CHRM5: variants seen among roughly 807,000 people sequenced by gnomAD.
The protein encoded by CHRM5 is cholinergic receptor muscarinic 5.
In CHRM5, 18 loss-of-function variants were observed where a neutral mutation model predicts 39.0. The observed-to-expected ratio is 0.46, with a 90% CI of 0.32 to 0.68. The LOEUF is 0.68. CHRM5 is among the 30% of genes least tolerant of loss of function. The pLI, the probability that CHRM5 is intolerant of heterozygous loss-of-function variation, is 0.04. For missense variants in CHRM5, 515 were observed against 651.1 expected, an observed-to-expected ratio of 0.79 and a Z score of 2.28; for synonymous variants, 241 against 246.3, an observed-to-expected ratio of 0.98 and a Z score of 0.20.
rs577954122 is a variant in CHRM5, at chr15:34,037,653, C to T, written c.-407-8887C>T. On this transcript the variant is annotated intron_variant, in intron 1 of 2. Coordinates refer to ENST00000383263, the MANE Select transcript of CHRM5 (RefSeq NM_012125.4). Reference sequence around the variant, plus strand: ...TTACCTTAGTTTCTGTCAGTTTACACGAGGTAAACTGACCCTAAAAATGTT... The same window carrying T: ...TTACCTTAGTTTCTGTCAGTTTACATGAGGTAAACTGACCCTAAAAATGTT... 5.9e-5 allele frequency among the ~76,000 whole-genome samples: 9 copies of T among 151,304 alleles called. No individual in the cohort carries two copies. The East Asian group carries it at 1.4e-3, about 23-fold the overall frequency.
At chr15:34,053,674 TAACTC>T (rs1333276143) in intron 2 of CHRM5, among the ~76,000 whole-genome samples, 5 of 151,918 alleles carry the variant, frequency 3.3e-5, no homozygotes, top group African/African-American at 1.2e-4. Flanking sequence ...ATACAAAAAT[TAACTC>T]AAGATGAATT....
intron 1 of CHRM5, among the ~76,000 whole-genome samples, chr15:33,983,213 TAC>T (rs1491388409): frequency 1.9e-4 from 7 of 36,922 alleles, no homozygotes; most frequent in South Asian, 1.2e-3. Context: ...TATATATATA[TAC>T]ATATATATAC....
At position 34,060,948 on chromosome 15, in the gene CHRM5, G is replaced by A. The variant is rs183473127; in HGVS notation, c.-75-1695G>A. 4.9e-3 allele frequency among the ~76,000 whole-genome samples: 741 copies of A among 151,664 alleles called. 3 individuals are homozygous for A. The highest frequency in any genetic ancestry group is 7.4e-3 in the Non-Finnish European group (503 of 67,890). The stretch of plus-strand genomic sequence containing the variant: ...GGAGAATGGCGTGAACCCAGGAGGC[G>A]GAGCTTGCAGTGAGCCGAGATAGCG... On this transcript the variant is annotated intron_variant, in intron 2 of 2. Coordinates refer to ENST00000383263, the MANE Select transcript of CHRM5 (RefSeq NM_012125.4).
rs967465915 is a variant in CHRM5, at chr15:34,046,526, T to C, written c.-407-14T>C. On this transcript the variant is annotated splice_polypyrimidine_tract_variant and intron_variant, in intron 1 of 2. Coordinates refer to ENST00000383263, the MANE Select transcript of CHRM5 (RefSeq NM_012125.4). ...TTAACAGCCCCTTTGTGAACGATCA[T>C]TCCCCTTTTCTAGGAACCTAGGAAA... is the stretch of plus-strand genomic sequence containing the variant. The C allele has an allele frequency of 6.6e-6, 1 of 152,212 alleles. No homozygotes were observed. The highest frequency in any genetic ancestry group is 1.9e-4 in the East Asian group (1 of 5,200). The allele number at this position is 152,212 out of a possible 1,614,324, so 9.4% of individuals were successfully genotyped here.
intron 2 of CHRM5, among the ~76,000 whole-genome samples, chr15:34,050,087 C>T (rs1022370086): frequency 6.6e-6 from 1 of 151,834 alleles, no homozygotes; most frequent in Non-Finnish European, 1.5e-5. Context: ...GGGGTTTCAC[C>T]TTGTTGGTCA....
At chr15:34,012,990 G>A (rs948146429) in intron 1 of CHRM5, among the ~76,000 whole-genome samples, 15 of 152,080 alleles carry the variant, frequency 9.9e-5, no homozygotes, top group African/African-American at 3.6e-4. Context: ...CTTTTTTAAT[G>A]GTTATAATCA....
At position 34,046,580 on chromosome 15, in the gene CHRM5, G is replaced by T. The variant is rs1899693224; in HGVS notation, c.-367G>T. The T allele has an allele frequency of 6.6e-6, 1 of 152,140 alleles. No individual in the cohort carries two copies. The highest frequency in any genetic ancestry group is 1.5e-5 in the Non-Finnish European group (1 of 68,030). 9.4% of individuals were successfully genotyped at this position (152,140 alleles called of 1,614,324 possible). A position where few individuals can be genotyped will look rare whatever the true frequency, so the allele number is the denominator to read the frequency against. ...TTCTCAGCCTTGCAACTTAAAATAT[G>T]GTACATGGATCAGTAGCATCAAGAA... On this transcript the variant is annotated 5_prime_UTR_variant, in exon 2 of 3. It removes an upstream start codon present in the reference 5' UTR. Transcript: ENST00000383263.
rs188396848 is a variant in CHRM5, at chr15:34,013,030, C to A, written c.-407-33510C>A. Among the ~76,000 whole-genome samples the A allele has an allele frequency of 3.8e-3, 575 of 151,970 alleles. 17 individuals carry two copies. The highest frequency in any genetic ancestry group is 0.035 in the Admixed American group (539 of 15,252). On this transcript the variant is annotated intron_variant, in intron 1 of 2. Coordinates refer to ENST00000383263, the MANE Select transcript of CHRM5 (RefSeq NM_012125.4). ...GAATGTAGCATACTAAGGACCTGAC[C>A]AGTGTCTCCTCCTATCACAGTGGTT...
At chr15:33,985,514 TG>T (rs1289621188) in intron 1 of CHRM5, among the ~76,000 whole-genome samples, 1 of 149,958 alleles carries the variant, frequency 6.7e-6, no homozygotes, top group Non-Finnish European at 1.5e-5. Context: ...GGTTGCTTGC[TG>T]GAAACACAAC....
intron 1 of CHRM5, among the ~76,000 whole-genome samples, chr15:34,013,053 G>GT (rs922456173): frequency 3.4e-5 from 5 of 147,840 alleles, no homozygotes; most frequent in African/African-American, 9.8e-5. Flanking sequence ...TATCACAGTG[G>GT]TTTTTTTGTT....
chr15:34,003,286 A>T, intron 1 of CHRM5: 1 of 1,283,800 alleles, frequency 7.8e-7, no homozygotes, highest in Non-Finnish European at 1.1e-6. Context: ...AAAACAAAAA[A>T]GTACATGGAC....
rs2140852915 is a variant in CHRM5 at position 34,066,771 on chromosome 15, C to T, written c.*2455C>T. On this transcript the variant is annotated 3_prime_UTR_variant, in exon 3 of 3. Transcript: ENST00000383263. ...TAGAGGTTGCAGTGAGCTATGATCACACTACTGCATTCCAGTCTAAGTGAC... is the reference window on the plus strand; with the variant it reads ...TAGAGGTTGCAGTGAGCTATGATCATACTACTGCATTCCAGTCTAAGTGAC... 6.6e-6 allele frequency: 1 copy of T among 151,206 alleles called. No homozygotes were observed. The highest frequency in any genetic ancestry group is 2.1e-4 in the South Asian group (1 of 4,788). 9.4% of individuals were successfully genotyped at this position (151,206 alleles called of 1,614,324 possible). A position where few individuals can be genotyped will look rare whatever the true frequency, so the allele number is the denominator to read the frequency against.
In CHRM5 at chr15:34,032,023, G is replaced by GCACA. The variant is rs10643932; in HGVS notation, c.-407-14502_-407-14499dup. ...TCAACACACACATACGCGCGCACAC[G>GCACA]CACACACACACACACACAGGGCTTC... On this transcript the variant is annotated intron_variant, in intron 1 of 2. Transcript: ENST00000383263. Among the ~76,000 whole-genome samples, 145 of 149,010 alleles carry GCACA rather than the reference G, an allele frequency of 9.7e-4. 1 individual carries two copies. Among genetic ancestry groups the GCACA allele is most frequent in the African/African-American group, 2.2e-3 (88 of 40,356 alleles).
At chr15:33,990,391 A>G (rs1051247393) in intron 1 of CHRM5, among the ~76,000 whole-genome samples, 5 of 152,080 alleles carry the variant, frequency 3.3e-5, no homozygotes, top group Non-Finnish European at 5.9e-5. Flanking sequence ...GAAAAAAAAA[A>G]GAAAAGAAAA....
At chr15:34,010,317 T>A (rs1227892421) in intron 1 of CHRM5, among the ~76,000 whole-genome samples, 1 of 152,176 alleles carries the variant, frequency 6.6e-6, no homozygotes, top group East Asian at 1.9e-4. Context: ...CTACCTTTTC[T>A]TTCCAAAATA....
At chr15:34,026,652 C>A (rs771239242) in intron 1 of CHRM5, among the ~76,000 whole-genome samples, 9 of 152,020 alleles carry the variant, frequency 5.9e-5, no homozygotes, top group Non-Finnish European at 1.0e-4. Context: ...GAACAAGGAT[C>A]ACTGAGGACA....
intron 1 of CHRM5, among the ~76,000 whole-genome samples, chr15:34,001,632 T>C (rs1015329665): frequency 6.6e-6 from 1 of 152,202 alleles, no homozygotes; most frequent in African/African-American, 2.4e-5. Flanking sequence ...TATTTAGTGT[T>C]ACCAGTTCTT....
chr15:33,979,542 T>C (rs1016553612), intron 1 of CHRM5, among the ~76,000 whole-genome samples: 1 of 152,200 alleles, frequency 6.6e-6, no homozygotes, highest in Non-Finnish European at 1.5e-5. Context: ...AACACTCTTA[T>C]CTGAGCAATT....
intron 1 of CHRM5, among the ~76,000 whole-genome samples, chr15:33,992,285 G>T (rs1896757107): frequency 6.6e-6 from 1 of 152,166 alleles, no homozygotes; most frequent in African/African-American, 2.4e-5. Flanking sequence ...AGCTACTCGG[G>T]AGGCTGAGGG....
Sources: allele counts gnomAD v4.1 joint callset (sites outside exome capture counted in the v4.1 genomes callset), GRCh38; gene constraint gnomAD v4.1.1; transcripts MANE v1.5; gene names NCBI Gene and HGNC (gene_info 2026-07-23, HGNC 2026-07-21).